AKAP13: variants seen among roughly 807,000 people sequenced by gnomAD.
The protein encoded by AKAP13 is A-kinase anchoring protein 13, also known as A-kinase anchor protein 13.
A neutral mutation model predicts 264.5 loss-of-function variants in AKAP13; 80 were observed. The ratio of observed to expected loss-of-function variants is 0.30; its 90% CI spans 0.25 to 0.36. The LOEUF is 0.36. Ranked by LOEUF, AKAP13 falls within the 10% of genes least tolerant of loss-of-function variation. The pLI is 1.00. For synonymous variants in AKAP13, 1,380 were observed against 1,250.2 expected, an observed-to-expected ratio of 1.10 and a Z score of -2.19; for missense variants, 3,712 against 3,435.2, an observed-to-expected ratio of 1.08 and a Z score of -2.01.
At chr15:85,741,969 G>A (rs527964417) in intron 35 of AKAP13, among the ~76,000 whole-genome samples, 7 of 152,000 alleles carry the variant, frequency 4.6e-5, no homozygotes, top group Admixed American at 1.3e-4. Context: ...CGCTTGAACC[G>A]GGGAGGTGGG....
chr15:85,506,236 A>C (rs2076217831), intron 2 of AKAP13, among the ~76,000 whole-genome samples: 1 of 152,166 alleles, frequency 6.6e-6, no homozygotes, highest in Non-Finnish European at 1.5e-5. Flanking sequence ...GTGAGCTGAG[A>C]TTGTGCCACT....
intron 8 of AKAP13, chr15:85,619,493 A>G: frequency 1.4e-5 from 14 of 985,432 alleles, no homozygotes; most frequent in Non-Finnish European, 1.7e-5. Flanking sequence ...TTTACTTTGA[A>G]AAGCATCTCC....
Position 85,741,149 on chromosome 15 carries a change from A to G in AKAP13, c.7712A>G (p.Gln2571Arg). ...SLSRPSSLIE[Q>R]EKQRSLEKQR... ...TCCCGCCCGAGCTCCCTCATTGAGC[A>G]GGAGAAGCAGCGCAGCCTGGAGAAG... Residue 2571 changes from glutamine to arginine, a missense_variant, in exon 35 of 37, where the codon CAG becomes CGG. This residue lies in a region of AKAP13 where 611 missense variants were observed against 539.3 expected (regional missense o/e 1.13). Coordinates refer to ENST00000394518, the MANE Select transcript of AKAP13 (RefSeq NM_007200.5). The G allele has an allele frequency of 6.2e-7, 1 of 1,613,476 alleles. No homozygotes were observed. Among genetic ancestry groups the G allele is most frequent in the Non-Finnish European group, 8.5e-7 (1 of 1,179,756 alleles).
intron 8 of AKAP13, among the ~76,000 whole-genome samples, chr15:85,598,970 C>T (rs764471687): frequency 6.6e-6 from 1 of 152,194 alleles, no homozygotes; most frequent in Non-Finnish European, 1.5e-5. Context: ...TGCTATGAAA[C>T]AGTTCCTGTC....
At chr15:85,447,841 T>A (rs1361145618) in intron 1 of AKAP13, among the ~76,000 whole-genome samples, 2 of 152,210 alleles carry the variant, frequency 1.3e-5, no homozygotes, top group South Asian at 2.1e-4. Context: ...TTTGTGTGCA[T>A]GTGTCTTTAT....
intron 8 of AKAP13, among the ~76,000 whole-genome samples, chr15:85,633,091 C>T (rs2081917224): frequency 6.6e-6 from 1 of 152,174 alleles, no homozygotes; most frequent in African/African-American, 2.4e-5. Context: ...TGATCTCGAA[C>T]TCCTAACCTT....
chr15:85,654,992 G>A (rs140628062), intron 10 of AKAP13, among the ~76,000 whole-genome samples: 6 of 152,282 alleles, frequency 3.9e-5, no homozygotes, highest in African/African-American at 7.2e-5. Flanking sequence ...AGGCGTTACA[G>A]ACCAGCCTGG....
At chr15:85,584,700 T>G (rs936773270) in intron 7 of AKAP13, among the ~76,000 whole-genome samples, 6 of 152,230 alleles carry the variant, frequency 3.9e-5, no homozygotes, top group African/African-American at 1.4e-4. Context: ...AAGGTAGACT[T>G]TTGTACATGT....
At chr15:85,470,834 A>T (rs1358600675) in intron 1 of AKAP13, among the ~76,000 whole-genome samples, 1 of 152,218 alleles carries the variant, frequency 6.6e-6, no homozygotes, top group African/African-American at 2.4e-5. Context: ...AGAAACAGAG[A>T]TGCAGTATCT....
intron 1 of AKAP13, among the ~76,000 whole-genome samples, chr15:85,460,802 C>T (rs1426873203): frequency 6.6e-6 from 1 of 152,312 alleles, no homozygotes; most frequent in East Asian, 1.9e-4. Context: ...CCAAGAGATG[C>T]AAGTGCCCAC....
chr15:85,685,139 T>A (rs1373266034), intron 16 of AKAP13: 15 of 310,038 alleles, frequency 4.8e-5, no homozygotes, highest in Non-Finnish European at 7.7e-5. Context: ...AGGTGTTATC[T>A]CTCTTTTCTA....
Position 85,434,427 on chromosome 15 carries a change from T to A in AKAP13, c.-11-51283T>A, listed in dbSNP as rs2073174141. ...CCGCCATTGCCCAGGCTTGATTAGG[T>A]AAACAAAGCAGCCGGGAAGCTCGAA... On this transcript the variant is annotated intron_variant, in intron 1 of 36. Coordinates refer to ENST00000394518, the MANE Select transcript of AKAP13 (RefSeq NM_007200.5). Among the ~76,000 whole-genome samples, 3 of 152,190 alleles carry A rather than the reference T, an allele frequency of 2.0e-5. No homozygotes were observed. The South Asian group carries it at 6.2e-4, about 32-fold the overall frequency.
At chr15:85,663,700 TG>T (rs1310475824) in intron 12 of AKAP13, among the ~76,000 whole-genome samples, 1 of 152,212 alleles carries the variant, frequency 6.6e-6, no homozygotes, top group Non-Finnish European at 1.5e-5. Context: ...CCGCTGCAGT[TG>T]TAACAGATGT....
intron 1 of AKAP13, among the ~76,000 whole-genome samples, chr15:85,449,474 AGTG>A (rs1040781586): frequency 2.0e-5 from 3 of 152,158 alleles, no homozygotes; most frequent in African/African-American, 7.2e-5. Context: ...GTTGAATAGA[AGTG>A]GTGAGAGAGG....
intron 5 of AKAP13, among the ~76,000 whole-genome samples, chr15:85,547,914 C>T (rs2077813931): frequency 6.6e-6 from 1 of 152,140 alleles, no homozygotes; most frequent in Non-Finnish European, 1.5e-5. Context: ...GATTTGAAGA[C>T]CCCACCCATG....
At chr15:85,442,514 A>ATG (rs2073731392) in intron 1 of AKAP13, among the ~76,000 whole-genome samples, 1 of 111,450 alleles carries the variant, frequency 9.0e-6, no homozygotes, top group Non-Finnish European at 1.9e-5. Context: ...TATATATAAT[A>ATG]TATATTATAT....
chr15:85,498,226 A>ATATATATATC (rs1567088692), intron 2 of AKAP13, among the ~76,000 whole-genome samples: 39 of 130,464 alleles, frequency 3.0e-4, no homozygotes, highest in African/African-American at 1.1e-3. Flanking sequence ...ATATATATAT[A>ATATATATATC]TCACATTGAG....
At position 85,730,693 on chromosome 15, in the gene AKAP13, G is replaced by C. The variant is rs1359637591; in HGVS notation, c.7268G>C (p.Ser2423Thr). The C allele has an allele frequency of 6.2e-7, 1 of 1,613,416 alleles. No individual in the cohort carries two copies. The highest frequency in any genetic ancestry group is 8.5e-7 in the Non-Finnish European group (1 of 1,179,544). The change falls in exon 30 of 37, where the codon AGT becomes ACT. Residue 2423 changes from serine to threonine, a missense_variant. Around this residue, in one of 3 missense-constraint regions of AKAP13, gnomAD observed 611 missense variants for 539.3 expected, o/e 1.13. Coordinates refer to ENST00000394518, the MANE Select transcript of AKAP13 (RefSeq NM_007200.5). ...CTCAAAGGAGGACCTTTAATGAAAA[G>C]TGCAATAAATGAGGGTAATTAACAT... ...EALKGGPLMK[S>T]AINEVEILQG...
chr15:85,705,773 C>G (rs560257630), intron 17 of AKAP13, among the ~76,000 whole-genome samples: 5 of 152,318 alleles, frequency 3.3e-5, no homozygotes, highest in African/African-American at 1.2e-4. Context: ...TGGTTAAGTT[C>G]AGATTCCCCT....
Sources: gnomAD v4.1 joint callset for allele counts (sites outside exome capture counted in the v4.1 genomes callset) on GRCh38, gnomAD v4.1.1 for gene constraint, gnomAD v4.1.1 regional missense constraint, MANE v1.5 for transcripts, NCBI Gene and HGNC (gene_info 2026-07-23, HGNC 2026-07-21) for gene names.